Variants in TTC22 observed in about 807,000 individuals in gnomAD.
The protein encoded by TTC22 is tetratricopeptide repeat protein 22.
A neutral mutation model predicts 48.2 loss-of-function variants in TTC22; 42 were observed. The observed-to-expected ratio is 0.87, with a 90% CI of 0.68 to 1.13. The LOEUF is 1.13. Ranked by LOEUF, TTC22 falls within the 50% of genes most tolerant of loss-of-function variation. TTC22 has a pLI of 0.00. For synonymous variants in TTC22, 345 were observed against 365.5 expected (o/e 0.94, Z 0.64); for missense variants, 784 against 807.0 (o/e 0.97, Z 0.34).
intron 1 of TTC22, among the ~76,000 whole-genome samples, chr1:54,796,475 G>C (rs1353368213): frequency 6.6e-6 from 1 of 152,320 alleles, no homozygotes; most frequent in Non-Finnish European, 1.5e-5. Context: ...ACAATACCTG[G>C]CGGTGTGTCT....
At chr1:54,784,693 G>C in intron 5 of TTC22, 1 of 1,177,290 alleles carries the variant, frequency 8.5e-7, no homozygotes, top group Non-Finnish European at 1.1e-6. Flanking sequence ...AAGTAATTAA[G>C]CCACTGAGAC....
intron 1 of TTC22, among the ~76,000 whole-genome samples, chr1:54,799,743 C>T (rs1311884933): frequency 6.6e-6 from 1 of 152,192 alleles, no homozygotes; most frequent in Non-Finnish European, 1.5e-5. Flanking sequence ...GCAGAGGAAG[C>T]TCTCCCAGCC....
intron 6 of TTC22, 47 bp from the exon 7 acceptor site, chr1:54,781,826 C>T: frequency 1.5e-6 from 2 of 1,373,184 alleles, no homozygotes; most frequent in Non-Finnish European, 9.4e-7. Flanking sequence ...GGCGCGGCTC[C>T]ACGCTCATTC....
chr1:54,800,625 T>C lies in TTC22; in HGVS notation c.539A>G (p.Tyr180Cys). 6.5e-7 allele frequency: 1 copy of C among 1,548,240 alleles called. No homozygotes were observed. The highest frequency in any genetic ancestry group is 8.6e-7 in the Non-Finnish European group (1 of 1,159,900). The change falls in exon 1 of 7, where the codon TAC becomes TGC. Residue 180 changes from tyrosine to cysteine, a missense_variant. Transcript: ENST00000371276. ...ARGLAAGIALYDKALGYGQQI... is the reference protein window; with the variant it reads ...ARGLAAGIALCDKALGYGQQI... ...CTGCCCGTAGCCTAGCGCCTTGTCGTAGAGCGCGATGCCTGCCGCCAGCCC... is the reference window on the plus strand; with the variant it reads ...CTGCCCGTAGCCTAGCGCCTTGTCGCAGAGCGCGATGCCTGCCGCCAGCCC...
chr1:54,787,161 T>A, intron 3 of TTC22, 86 bp from the exon 4 acceptor site: 1 of 675,240 alleles, frequency 1.5e-6, no homozygotes, highest in Non-Finnish European at 2.4e-6. Context: ...GTGTCACCCA[T>A]GAAGACAAAG....
At chr1:54,794,740 C>G (rs1428806421) in intron 1 of TTC22, 4 of 152,262 alleles carry the variant, frequency 2.6e-5, no homozygotes, top group Admixed American at 1.3e-4. Context: ...TTTTACAGAT[C>G]AGGAAACAGA....
In TTC22 at chr1:54,787,753, G is replaced by C. The variant is rs1165593771; in HGVS notation, c.697C>G (p.Leu233Val). 6.2e-7 allele frequency: 1 copy of C among 1,613,530 alleles called. No individual in the cohort carries two copies. The highest frequency in any genetic ancestry group is 1.1e-5 in the South Asian group (1 of 90,930). Reference protein sequence around the residue: ...RLPAFNRTLALLRQVLKSEDP... With the variant: ...RLPAFNRTLAVLRQVLKSEDP... ...TCGGACTTCAGCACTTGCCGGAGTA[G>C]GGCCAGCGTGCGGTTGAAGGCAGGC... The change falls in exon 3 of 7, where the codon CTA becomes GTA. Residue 233 changes from leucine to valine, a missense_variant. Transcript: ENST00000371276.
chr1:54,784,819 T>G, intron 5 of TTC22: 3 of 1,299,830 alleles, frequency 2.3e-6, no homozygotes, highest in Non-Finnish European at 3.0e-6. Context: ...GTCGGCTTCC[T>G]CAAGCACATG....
chr1:54,787,601 G>C lies in TTC22; in HGVS notation c.739+110C>G, dbSNP rs1646314398. 6.3e-6 allele frequency: 5 copies of C among 793,998 alleles called. No individual in the cohort carries two copies. In the East Asian group the frequency reaches 1.3e-4, roughly 21 times the overall value. The allele number at this position is 793,998 out of a possible 1,614,324, so 49.2% of individuals were successfully genotyped here. A position where few individuals can be genotyped will look rare whatever the true frequency, so the allele number is the denominator to read the frequency against. On this transcript the variant is annotated intron_variant, in intron 3 of 6. Coordinates refer to ENST00000371276, the MANE Select transcript of TTC22 (RefSeq NM_001114108.2). The stretch of plus-strand genomic sequence containing the variant: ...TGAGTGTAGGGGACAGAGCGAAGGA[G>C]GAAGAAACAGGAGCCAAGAAGGGGA...
In TTC22 at chr1:54,785,957, TATGGTGGGG is replaced by T. The variant is rs771830141; in HGVS notation, c.1020+17_1020+25del. On this transcript the variant is annotated intron_variant, in intron 5 of 6. Transcript: ENST00000371276. ...TGTTCTCTGATTCCCAATGGCAGGG[TATGGTGGGG>T]CAGGAAGTTGACCCACCTTGGCCCT... The T allele has an allele frequency of 8.1e-6, 13 of 1,601,702 alleles. No individual in the cohort carries two copies. The East Asian group carries it at 2.9e-4, about 36-fold the overall frequency.
At chr1:54,787,892 T>A in intron 2 of TTC22, 66 bp from the exon 3 acceptor site, 1 of 1,506,888 alleles carries the variant, frequency 6.6e-7, no homozygotes, top group Non-Finnish European at 9.1e-7. Flanking sequence ...CTGCCAGCCC[T>A]GCCCAGGCCT....
At chr1:54,782,852 G>C (rs906022953) in intron 5 of TTC22, among the ~76,000 whole-genome samples, 3 of 152,204 alleles carry the variant, frequency 2.0e-5, no homozygotes. Context: ...CATTCCAGTA[G>C]GGGAGGCAGT....
In TTC22 at chr1:54,800,988, A is replaced by C. The variant is rs1333047129; in HGVS notation, c.176T>G (p.Leu59Arg). ...QREGLRQELQLAAAPQRPAVR... is the reference protein window; with the variant it reads ...QREGLRQELQRAAAPQRPAVR... ...AGCGGGGCGCTGCGGGGCGGCCGCC[A>C]GCTGGAGCTCCTGCCGCAGACCCTC... Residue 59 changes from leucine (L) to arginine (R), a missense_variant, in exon 1 of 7, where the codon CTG becomes CGG. Coordinates refer to ENST00000371276, the MANE Select transcript of TTC22 (RefSeq NM_001114108.2). 1 of 1,605,802 alleles carries C rather than the reference A, an allele frequency of 6.2e-7. No homozygotes were observed. The highest frequency in any genetic ancestry group is 1.3e-5 in the African/African-American group (1 of 74,744).
chr1:54,796,564 G>A (rs1341344154), intron 1 of TTC22, among the ~76,000 whole-genome samples: 1 of 152,248 alleles, frequency 6.6e-6, no homozygotes, highest in Admixed American at 6.5e-5. Context: ...ACACCATTGC[G>A]GGTGTGGTTC....
At position 54,781,530 on chromosome 1, in the gene TTC22, G is replaced by A; in HGVS notation, c.1423C>T (p.Leu475=). The change falls in exon 7 of 7, where the codon CTG becomes TTG. Residue 475 remains leucine, a synonymous_variant. Coordinates refer to ENST00000371276, the MANE Select transcript of TTC22 (RefSeq NM_001114108.2). The part of the protein sequence containing the change: ...GSSHTDGFGC[L]LEALLAQWSQ... ...CACTGCGCCAGCAGCGCCTCGAGCA[G>A]GCAGCCGAAGCCGTCGGTGTGGCTG... is the stretch of plus-strand genomic sequence containing the variant. 6.6e-7 allele frequency: 1 copy of A among 1,514,402 alleles called. No homozygotes were observed. Among genetic ancestry groups the A allele is most frequent in the Non-Finnish European group, 8.8e-7 (1 of 1,138,736 alleles). 93.8% of individuals were successfully genotyped at this position (1,514,402 alleles called of 1,614,324 possible). A position where few individuals can be genotyped will look rare whatever the true frequency, so the allele number is the denominator to read the frequency against.
Position 54,800,495 on chromosome 1 carries a change from T to C in TTC22, c.567+102A>G. 7 of 1,085,136 alleles carry C rather than the reference T, an allele frequency of 6.5e-6. No individual in the cohort carries two copies. In the South Asian group the frequency reaches 7.4e-5, roughly 11 times the overall value. 67.2% of individuals were successfully genotyped at this position (1,085,136 alleles called of 1,614,324 possible). ...CATTTGGGAGGCCAAAAGACCATGG[T>C]TGAGAGAGAGTCAGGGGTACCGGGG... On this transcript the variant is annotated intron_variant, in intron 1 of 6. Transcript: ENST00000371276.
At chr1:54,786,416 C>T in intron 4 of TTC22, 1 of 393,766 alleles carries the variant, frequency 2.5e-6, no homozygotes, top group Non-Finnish European at 4.6e-6. Flanking sequence ...AGAGCCCAGT[C>T]AGACCCCTCC....
At chr1:54,790,617 C>T (rs1321591342) in intron 1 of TTC22, among the ~76,000 whole-genome samples, 1 of 152,266 alleles carries the variant, frequency 6.6e-6, no homozygotes, top group African/African-American at 2.4e-5. Flanking sequence ...TCTGGATACC[C>T]TTATCTGCTT....
At chr1:54,783,219 T>C (rs1330084651) in intron 5 of TTC22, among the ~76,000 whole-genome samples, 1 of 152,220 alleles carries the variant, frequency 6.6e-6, no homozygotes, top group Non-Finnish European at 1.5e-5. Context: ...AGGGATTTGC[T>C]TATAAGACAG....
Sources: allele counts gnomAD v4.1 joint callset (sites outside exome capture counted in the v4.1 genomes callset), GRCh38; gene constraint gnomAD v4.1.1; transcripts MANE v1.5; gene names NCBI Gene and HGNC (gene_info 2026-07-23, HGNC 2026-07-21).